CACNA2D4: variants seen among roughly 807,000 people sequenced by gnomAD.
CACNA2D4 encodes calcium voltage-gated channel auxiliary subunit alpha2delta 4.
CACNA2D4 carries 157 observed loss-of-function variants against 163.8 expected under a neutral mutation model. The observed-to-expected ratio is 0.96, with a 90% CI of 0.84 to 1.09. The LOEUF is 1.09. CACNA2D4 is among the 50% of genes least tolerant of loss of function. The probability of loss-of-function intolerance (pLI) is 0.00; values close to 1 mark genes in which losing one functional copy is unlikely to be tolerated. For missense variants in CACNA2D4, 1,410 were observed against 1,479.9 expected (o/e 0.95, Z 0.78); for synonymous variants, 598 against 586.9 (o/e 1.02, Z -0.27).
chr12:1,810,376 C>T (rs778755879), intron 28 of CACNA2D4, 36 bp from the exon 29 acceptor site: 9 of 1,593,860 alleles, frequency 5.6e-6, no homozygotes, highest in Non-Finnish European at 7.7e-6. Flanking sequence ...TATGCCAGGG[C>T]CCTCACCCAC....
chr12:1,871,343 G>A (rs1238616520), intron 18 of CACNA2D4, among the ~76,000 whole-genome samples: 5 of 149,400 alleles, frequency 3.3e-5, no homozygotes, highest in Non-Finnish European at 5.9e-5. Flanking sequence ...ATGTGTACAC[G>A]TGTGTTGCTG....
chr12:1,810,188 C>T (rs561224550), intron 29 of CACNA2D4, 90 bp downstream of exon 29: 243 of 1,091,834 alleles, frequency 2.2e-4, no homozygotes, highest in South Asian at 1.1e-3. Flanking sequence ...CTCCTGGGGC[C>T]GTGGGGCTCT....
chr12:1,895,260 G>T (rs989917865), intron 6 of CACNA2D4, among the ~76,000 whole-genome samples: 1 of 152,058 alleles, frequency 6.6e-6, no homozygotes. Context: ...TTATGTTTAT[G>T]GACTGGGATA....
At chr12:1,848,459 C>T (rs1327690363) in intron 23 of CACNA2D4, among the ~76,000 whole-genome samples, 1 of 152,152 alleles carries the variant, frequency 6.6e-6, no homozygotes, top group Non-Finnish European at 1.5e-5. Context: ...CTGTTCTTCA[C>T]AAGAGGCACA....
In CACNA2D4 at chr12:1,831,360, G is replaced by C. The variant is rs1206725816; in HGVS notation, c.2551+9379C>G. 6.2e-7 allele frequency: 1 copy of C among 1,613,896 alleles called. No homozygotes were observed. The highest frequency in any genetic ancestry group is 8.5e-7 in the Non-Finnish European group (1 of 1,180,040). ...CCCTGGTCTTTTCGACGGGCTCCTG[G>C]CTCTGCGCTCCCTCTCGCTTCGCTC... On this transcript the variant is annotated intron_variant, in intron 26 of 37. Coordinates refer to ENST00000382722, the MANE Select transcript of CACNA2D4 (RefSeq NM_172364.5).
At chr12:1,912,471 G>A (rs901995474) in intron 3 of CACNA2D4, among the ~76,000 whole-genome samples, 2 of 152,230 alleles carry the variant, frequency 1.3e-5, no homozygotes, top group African/African-American at 4.8e-5. Context: ...GCCCATCCCT[G>A]TAAGCACCTC....
intron 26 of CACNA2D4, among the ~76,000 whole-genome samples, chr12:1,824,395 C>A (rs11061989): frequency 0.066 from 10,083 of 152,268 alleles, 817 homozygotes; most frequent in African/African-American, 0.19. Flanking sequence ...GGTCTACACT[C>A]AAAGCCCCAT....
chr12:1,882,959 TCTC>T lies in CACNA2D4; in HGVS notation c.1390_1392del (p.Glu464del). 4 of 1,613,358 alleles carry T rather than the reference TCTC, an allele frequency of 2.5e-6. No individual in the cohort carries two copies. Among genetic ancestry groups the T allele is most frequent in the Non-Finnish European group, 3.4e-6 (4 of 1,179,684 alleles). ...AGCACGTGCAGGTATTCCATCACGTTCTCCTGGGTGTCCGCCAGCGTTGAGATC... is the reference window on the plus strand; with the variant it reads ...AGCACGTGCAGGTATTCCATCACGTTCTGGGTGTCCGCCAGCGTTGAGATC... On this transcript the variant is annotated inframe_deletion, in exon 13 of 38. Coordinates refer to ENST00000382722, the MANE Select transcript of CACNA2D4 (RefSeq NM_172364.5).
intron 4 of CACNA2D4, among the ~76,000 whole-genome samples, chr12:1,909,362 T>G (rs745447436): frequency 1.3e-4 from 20 of 152,152 alleles, no homozygotes; most frequent in Non-Finnish European, 2.8e-4. Flanking sequence ...CGGCTAAATT[T>G]TTTGCATTTT....
At chr12:1,815,327 G>C (rs1863839092) in intron 26 of CACNA2D4, among the ~76,000 whole-genome samples, 1 of 144,252 alleles carries the variant, frequency 6.9e-6, no homozygotes, top group African/African-American at 2.9e-5. Flanking sequence ...TGTACCAGCT[G>C]TTCTCTCCTC....
At chr12:1,855,956 C>T (rs1865388993) in intron 22 of CACNA2D4, 56 bp downstream of exon 22, 1 of 1,396,600 alleles carries the variant, frequency 7.2e-7, no homozygotes. Context: ...CTGGCAAAGT[C>T]CTGAACTTCA....
intron 18 of CACNA2D4, among the ~76,000 whole-genome samples, chr12:1,871,117 G>A (rs537838340): frequency 5.9e-5 from 9 of 151,782 alleles, no homozygotes; most frequent in Admixed American, 5.9e-4. Flanking sequence ...GCTGTTGTGT[G>A]CATATGTACA....
chr12:1,877,225 A>G (rs1438707665), intron 16 of CACNA2D4, among the ~76,000 whole-genome samples: 1 of 152,230 alleles, frequency 6.6e-6, no homozygotes, highest in Non-Finnish European at 1.5e-5. Flanking sequence ...TTGAAGCCTT[A>G]TATTCGTCTA....
In CACNA2D4 at chr12:1,907,583, G is replaced by T; in HGVS notation, c.650-12C>A. On this transcript the variant is annotated splice_polypyrimidine_tract_variant and intron_variant, in intron 5 of 37. Coordinates refer to ENST00000382722, the MANE Select transcript of CACNA2D4 (RefSeq NM_172364.5). The stretch of plus-strand genomic sequence containing the variant: ...TAAAATATCTGGGTCTGAAGGGTGA[G>T]ACTATAGATTATGATCCTGTAGAAC... 6.2e-7 allele frequency: 1 copy of T among 1,609,722 alleles called. No homozygotes were observed. Among genetic ancestry groups the T allele is most frequent in the South Asian group, 1.1e-5 (1 of 90,512 alleles).
chr12:1,794,941 C>T, intron 37 of CACNA2D4: 1 of 431,610 alleles, frequency 2.3e-6, no homozygotes, highest in Non-Finnish European at 4.1e-6. Context: ...CCCCAGCCAC[C>T]AGTCATCTAA....
Position 1,811,845 on chromosome 12 carries a change from A to G in CACNA2D4, c.2552-122T>C, listed in dbSNP as rs1273776425. 9 of 919,018 alleles carry G rather than the reference A, an allele frequency of 9.8e-6. No homozygotes were observed. In the South Asian group the frequency reaches 1.4e-4, roughly 14 times the overall value. The allele number at this position is 919,018 out of a possible 1,614,324, so 56.9% of individuals were successfully genotyped here. A position where few individuals can be genotyped will look rare whatever the true frequency, so the allele number is the denominator to read the frequency against. On this transcript the variant is annotated intron_variant, in intron 26 of 37. Coordinates refer to ENST00000382722, the MANE Select transcript of CACNA2D4 (RefSeq NM_172364.5). ...GAGGAGAGAGACCGCAGCGGATGGG[A>G]GGACTGAGTCAGAGGGCAGAGTGCA... is the stretch of plus-strand genomic sequence containing the variant.
At chr12:1,858,738 T>C (rs1385917233) in intron 19 of CACNA2D4, 94 bp from the exon 20 acceptor site, 7 of 911,492 alleles carry the variant, frequency 7.7e-6, no homozygotes, top group Non-Finnish European at 1.1e-5. Flanking sequence ...ACTAGGTGTA[T>C]GGGCTTTTTG....
chr12:1,864,660 G>A (rs1048749924), intron 18 of CACNA2D4, among the ~76,000 whole-genome samples: 3 of 152,154 alleles, frequency 2.0e-5, no homozygotes, highest in African/African-American at 7.2e-5. Context: ...GACGGCGATG[G>A]GGATCGGCGT....
intron 13 of CACNA2D4, among the ~76,000 whole-genome samples, chr12:1,880,409 C>T (rs867843207): frequency 1.1e-4 from 17 of 152,376 alleles, no homozygotes; most frequent in African/African-American, 3.6e-4. Context: ...GCTTCGGGGC[C>T]GTTCCTAGGA....
Sources: gnomAD v4.1 joint callset for allele counts (sites outside exome capture counted in the v4.1 genomes callset) on GRCh38, gnomAD v4.1.1 for gene constraint, MANE v1.5 for transcripts, NCBI Gene and HGNC (gene_info 2026-07-23, HGNC 2026-07-21) for gene names.